The following JMJD1C variants were observed in gnomAD, a reference collection of about 807,000 sequenced individuals.
JMJD1C encodes the protein jumonji domain-containing protein 1C.
JMJD1C carries 31 observed loss-of-function variants against 245.3 expected under a neutral mutation model. The ratio of observed to expected loss-of-function variants is 0.13; its 90% CI spans 0.09 to 0.17. The LOEUF (loss-of-function observed/expected upper bound fraction) is 0.17. Ranked by LOEUF, JMJD1C falls within the 10% of genes least tolerant of loss-of-function variation. The probability of loss-of-function intolerance (pLI) is 1.00; values close to 1 mark genes in which losing one functional copy is unlikely to be tolerated. For missense variants in JMJD1C, 2,691 were observed against 3,000.2 expected (o/e 0.90, Z 2.41); for synonymous variants, 1,057 against 1,017.4 (o/e 1.04, Z -0.74).
At chr10:63,173,717 G>A (rs1040012016) in intron 24 of JMJD1C, among the ~76,000 whole-genome samples, 8 of 150,470 alleles carry the variant, frequency 5.3e-5, no homozygotes, top group Non-Finnish European at 7.4e-5. Context: ...GCAAGATACT[G>A]TCTTTTAAAA....
chr10:63,427,291 G>A (rs565841203), intron 1 of JMJD1C: 162 of 660,444 alleles, frequency 2.5e-4, no homozygotes, highest in Non-Finnish European at 3.4e-4. Flanking sequence ...CACTCCAGCC[G>A]GGACGATGGT....
intron 2 of JMJD1C, among the ~76,000 whole-genome samples, chr10:63,267,641 C>CTA (rs1855754260): frequency 6.6e-6 from 1 of 152,124 alleles, no homozygotes; most frequent in Admixed American, 6.5e-5. Context: ...TCACAAAAGA[C>CTA]TATCATTCAA....
intron 1 of JMJD1C, chr10:63,521,505 C>A: frequency 3.6e-6 from 5 of 1,378,826 alleles, no homozygotes; most frequent in African/African-American, 1.5e-5. Context: ...CAGCGCCCTG[C>A]GCCCACCCGC....
intron 2 of JMJD1C, among the ~76,000 whole-genome samples, chr10:63,352,085 G>A (rs1944409319): frequency 6.6e-6 from 1 of 152,180 alleles, no homozygotes; most frequent in Non-Finnish European, 1.5e-5. Context: ...TCACATGACT[G>A]AGAACCAATG....
intron 2 of JMJD1C, among the ~76,000 whole-genome samples, chr10:63,311,193 A>C (rs1234261245): frequency 6.6e-6 from 1 of 150,992 alleles, no homozygotes; most frequent in Non-Finnish European, 1.5e-5. Context: ...CAAAATGATG[A>C]AACCCCGGCT....
At chr10:63,176,231 A>C in intron 24 of JMJD1C, 66 bp downstream of exon 24, 1 of 1,226,478 alleles carries the variant, frequency 8.2e-7, no homozygotes, top group East Asian at 2.5e-5. Flanking sequence ...TACTAAGAGC[A>C]ATTTTTTTTT....
At chr10:63,309,494 C>CAAAA (rs71025153) in intron 2 of JMJD1C, among the ~76,000 whole-genome samples, 10 of 49,370 alleles carry the variant, frequency 2.0e-4, no homozygotes, top group Non-Finnish European at 2.3e-4. Flanking sequence ...GACTCCATCT[C>CAAAA]AAAAAAAAAA....
chr10:63,453,050 G>A (rs1314031377), intron 1 of JMJD1C, among the ~76,000 whole-genome samples: 6 of 152,116 alleles, frequency 3.9e-5, no homozygotes, highest in Admixed American at 2.0e-4. Flanking sequence ...TGAGGCAGGC[G>A]GATCACTTGA....
intron 2 of JMJD1C, among the ~76,000 whole-genome samples, chr10:63,282,937 C>T (rs1195050196): frequency 1.3e-5 from 2 of 152,280 alleles, no homozygotes; most frequent in East Asian, 1.9e-4. Context: ...AAGATGGCCT[C>T]GGTCTCCTGA....
intron 1 of JMJD1C, among the ~76,000 whole-genome samples, chr10:63,432,811 G>A (rs1220727959): frequency 6.6e-6 from 1 of 152,102 alleles, no homozygotes; most frequent in Non-Finnish European, 1.5e-5. Flanking sequence ...TTATTTTACA[G>A]AACTTTTAGA....
At chr10:63,302,336 G>A (rs1193749563) in intron 2 of JMJD1C, among the ~76,000 whole-genome samples, 2 of 152,184 alleles carry the variant, frequency 1.3e-5, no homozygotes, top group African/African-American at 4.8e-5. Flanking sequence ...TATATAATTA[G>A]AAATGCATTC....
chr10:63,481,401 G>C (rs903843581), intron 1 of JMJD1C, among the ~76,000 whole-genome samples: 3 of 151,880 alleles, frequency 2.0e-5, no homozygotes, highest in Non-Finnish European at 2.9e-5. Context: ...CTTTAAAATA[G>C]TGGACACATT....
chr10:63,388,244 T>C (rs556289894), intron 1 of JMJD1C, among the ~76,000 whole-genome samples: 2 of 151,862 alleles, frequency 1.3e-5, no homozygotes, highest in Non-Finnish European at 2.9e-5. Flanking sequence ...GACATAACTA[T>C]CTAGTCACTT....
intron 1 of JMJD1C, among the ~76,000 whole-genome samples, chr10:63,489,983 CAGG>C (rs1325265021): frequency 2.0e-5 from 3 of 152,224 alleles, no homozygotes; most frequent in Non-Finnish European, 4.4e-5. Flanking sequence ...TAGATTCTCA[CAGG>C]AGGACACTGT....
chr10:63,513,578 A>G (rs111287284), intron 1 of JMJD1C, among the ~76,000 whole-genome samples: 3,636 of 152,312 alleles, frequency 0.024, 104 homozygotes, highest in African/African-American at 0.066. Flanking sequence ...AAGGTTTCAT[A>G]TCCAGAATTG....
At chr10:63,173,126 C>T (rs1842537842) in intron 24 of JMJD1C, among the ~76,000 whole-genome samples, 1 of 151,918 alleles carries the variant, frequency 6.6e-6, no homozygotes, top group Non-Finnish European at 1.5e-5. Flanking sequence ...ACTTTTTATA[C>T]TTTTGAATTT....
chr10:63,193,214 A>G, intron 15 of JMJD1C, 63 bp from the exon 16 acceptor site: 1 of 1,499,172 alleles, frequency 6.7e-7, no homozygotes, highest in Non-Finnish European at 9.2e-7. Context: ...AGTAGTATAG[A>G]TACAAAAAAT....
At chr10:63,362,221 T>G in intron 2 of JMJD1C, among the ~76,000 whole-genome samples, 1 of 140,502 alleles carries the variant, frequency 7.1e-6, no homozygotes, top group South Asian at 2.3e-4. Flanking sequence ...CGCAACAGAG[T>G]GAGACTGCAT....
intron 1 of JMJD1C, among the ~76,000 whole-genome samples, chr10:63,419,834 T>A (rs139395073): frequency 0.02 from 2,239 of 113,578 alleles, no homozygotes; most frequent in Non-Finnish European, 0.03. Context: ...CTCCATGAAA[T>A]AAAAAAAAAA....
Sources: allele counts gnomAD v4.1 joint callset (sites outside exome capture counted in the v4.1 genomes callset), GRCh38; gene constraint gnomAD v4.1.1; transcripts MANE v1.5; gene names NCBI Gene and HGNC (gene_info 2026-07-23, HGNC 2026-07-21).